Variants in NT5DC2 observed in about 807,000 individuals in gnomAD.
The protein encoded by NT5DC2 is 5'-nucleotidase domain-containing protein 2.
In NT5DC2, 41 loss-of-function variants were observed where a neutral mutation model predicts 70.0. The observed-to-expected ratio is 0.59, with a 90% CI of 0.46 to 0.76. The LOEUF (loss-of-function observed/expected upper bound fraction) is 0.76. NT5DC2 is among the 30% of genes least tolerant of loss of function. The pLI is 0.00. For missense variants in NT5DC2, 705 were observed against 783.2 expected (o/e 0.90, Z 1.19); for synonymous variants, 299 against 310.4 (o/e 0.96, Z 0.39).
Position 52,527,913 on chromosome 3 carries a change from CCT to C in NT5DC2, c.849_850del (p.Asp285Ter), listed in dbSNP as rs2079302251. ...GCTCAGGACAGCAAACGTCTCATCCCCTCTCAGGATGTACTTCTCTAATGGGG... is the reference window on the plus strand; with the variant it reads ...GCTCAGGACAGCAAACGTCTCATCCCCTCAGGATGTACTTCTCTAATGGGG... On this transcript the variant is annotated frameshift_variant, in exon 8 of 14. Transcript: ENST00000422318. LOFTEE classifies it high-confidence loss of function. The C allele has an allele frequency of 1.9e-6, 3 of 1,613,486 alleles. No homozygotes were observed. Among genetic ancestry groups the C allele is most frequent in the Admixed American group, 3.3e-5 (2 of 60,016 alleles).
chr3:52,527,821 G>A lies in NT5DC2; in HGVS notation c.935+8C>T. ...TGCTGTCCCTCCATCCACAGGGGCT[G>A]GACTCACACGAAGCTGAAAGGACTG... On this transcript the variant is annotated splice_region_variant and intron_variant, in intron 8 of 13. Transcript: ENST00000422318. 3.1e-6 allele frequency: 5 copies of A among 1,613,140 alleles called. No homozygotes were observed. Among genetic ancestry groups the A allele is most frequent in the East Asian group, 2.2e-5 (1 of 44,880 alleles).
intron 13 of NT5DC2, 36 bp downstream of exon 13, chr3:52,524,776 GTGGCT>G (rs2079216259): frequency 6.2e-7 from 1 of 1,612,628 alleles, no homozygotes; most frequent in East Asian, 2.2e-5. Context: ...GCCTGGGGTG[GTGGCT>G]TGGCTGGGAC....
At position 52,524,571 on chromosome 3, in the gene NT5DC2, G is replaced by T. The variant is rs749013566; in HGVS notation, c.1573C>A (p.Arg525Ser). 2 of 1,613,032 alleles carry T rather than the reference G, an allele frequency of 1.2e-6. No individual in the cohort carries two copies. Among genetic ancestry groups the T allele is most frequent in the African/African-American group, 2.7e-5 (2 of 74,938 alleles). ...GCCTCGTGCTGCAGCGGCGTACGGCGTGGGTAGAAGGTGAAGTCCACGCGG... is the reference window on the plus strand; with the variant it reads ...GCCTCGTGCTGCAGCGGCGTACGGCTTGGGTAGAAGGTGAAGTCCACGCGG... The part of the protein sequence containing the change: ...NYRVDFTFYP[R>S]RTPLQHEAPL... Residue 525 changes from arginine (R) to serine (S), a missense_variant, in exon 14 of 14, where the codon CGC becomes AGC. Arg to Ser is a moderately radical substitution (Grantham distance 110, BLOSUM62 -1). Coordinates refer to ENST00000422318, the MANE Select transcript of NT5DC2 (RefSeq NM_001134231.2).
At chr3:52,534,687 C>T (rs201918777), upstream of NT5DC2, 1,341 of 1,581,908 alleles carry the variant, frequency 8.5e-4, 10 homozygotes, top group South Asian at 3.6e-3. Flanking sequence ...CGAGCCCGCA[C>T]GCATACCAGG....
intron 10 of NT5DC2, 85 bp from the exon 11 acceptor site, chr3:52,525,380 A>G (rs2079244070): frequency 4.8e-6 from 5 of 1,038,136 alleles, no homozygotes; most frequent in Non-Finnish European, 7.3e-6. Context: ...AGGCAGCCCA[A>G]ATCCAGCCGG....
Position 52,527,646 on chromosome 3 carries a change from G to C in NT5DC2, c.1008C>G (p.Asp336Glu). 1 of 1,613,102 alleles carries C rather than the reference G, an allele frequency of 6.2e-7. No individual in the cohort carries two copies. Among genetic ancestry groups the C allele is most frequent in the Non-Finnish European group, 8.5e-7 (1 of 1,180,012 alleles). ...GCCGGTCAGTGAAGAAGCTGGGCTT[G>C]TCTGCCTGGACAATGACCACATCGA... ...QLFDVVIVQADKPSFFTDRRK... is the reference protein window; with the variant it reads ...QLFDVVIVQAEKPSFFTDRRK... Residue 336 changes from aspartate to glutamate, a missense_variant, in exon 9 of 14, where the codon GAC (aspartate) becomes GAG (glutamate). Asp to Glu is a conservative substitution (Grantham distance 45). Coordinates refer to ENST00000422318, the MANE Select transcript of NT5DC2 (RefSeq NM_001134231.2).
At position 52,525,218 on chromosome 3, in the gene NT5DC2, A is replaced by ACTATAGAGGTGG. The variant is rs781624901; in HGVS notation, c.1185_1196dup (p.His396_Ser399dup). 2 of 1,611,604 alleles carry ACTATAGAGGTGG rather than the reference A, an allele frequency of 1.2e-6. No individual in the cohort carries two copies. Among genetic ancestry groups the ACTATAGAGGTGG allele is most frequent in the South Asian group, 2.2e-5 (2 of 90,840 alleles). Reference sequence around the variant, plus strand: ...GCCCTGCCTCCCTCACCGCCAGATCACTATAGAGGTGGTCCCCGAAGTAGA... The same window carrying ACTATAGAGGTGG: ...GCCCTGCCTCCCTCACCGCCAGATCACTATAGAGGTGGCTATAGAGGTGGTCCCCGAAGTAGA... On this transcript the variant is annotated inframe_insertion, in exon 11 of 14. Coordinates refer to ENST00000422318, the MANE Select transcript of NT5DC2 (RefSeq NM_001134231.2).
Sources: gnomAD v4.1 joint callset for allele counts on GRCh38, gnomAD v4.1.1 for gene constraint, MANE v1.5 for transcripts, NCBI Gene and HGNC (gene_info 2026-07-23, HGNC 2026-07-21) for gene names.